The following CHD1L variants were observed in gnomAD, a reference collection of about 807,000 sequenced individuals.
CHD1L encodes the protein chromodomain helicase DNA binding protein 1 like, also known as ATP-dependent chromatin remodeler CHD1L.
A neutral mutation model predicts 115.9 loss-of-function variants in CHD1L; 118 were observed. The observed-to-expected ratio is 1.02, with a 90% CI of 0.88 to 1.19. The LOEUF is 1.19. Among genes scored for constraint, CHD1L ranks in the 50% most tolerant of loss-of-function variants. The probability of loss-of-function intolerance (pLI) is 0.00; values close to 1 mark genes in which losing one functional copy is unlikely to be tolerated. For missense variants in CHD1L, 1,179 were observed against 1,065.3 expected (o/e 1.11, Z -1.49); for synonymous variants, 411 against 387.1 (o/e 1.06, Z -0.72).
chr1:147,187,337 A>G, the CHD1L span: 4 of 839,734 alleles, frequency 4.8e-6, no homozygotes, highest in Admixed American at 2.7e-5. Context: ...TATTGGCTCA[A>G]TATCAGACTA....
intron 1 of CHD1L, among the ~76,000 whole-genome samples, chr1:147,251,091 C>T (rs1668266228): frequency 6.6e-6 from 1 of 152,164 alleles, no homozygotes; most frequent in Admixed American, 6.5e-5. Flanking sequence ...AATTGTGAGT[C>T]AATTAAACCT....
At chr1:147,220,759 T>C in the CHD1L span, among the ~76,000 whole-genome samples, 1 of 152,118 alleles carries the variant, frequency 6.6e-6, no homozygotes, top group Non-Finnish European at 1.5e-5. Flanking sequence ...TGGCTAGCAG[T>C]TATACCAGCC....
At chr1:147,178,125 C>A in the CHD1L span, 7 of 1,592,966 alleles carry the variant, frequency 4.4e-6, no homozygotes, top group South Asian at 7.8e-5. Flanking sequence ...TGTGCCTCCG[C>A]CGCCCAGCGC....
At chr1:147,269,667 C>CAAAAAAA (rs10649680) in intron 10 of CHD1L, among the ~76,000 whole-genome samples, 5 of 93,266 alleles carry the variant, frequency 5.4e-5, no homozygotes, top group African/African-American at 8.8e-5. Context: ...GGCTCCATCT[C>CAAAAAAA]AAAAAAAAAA....
chr1:147,280,883 T>G (rs995880395), intron 15 of CHD1L, among the ~76,000 whole-genome samples: 1 of 152,200 alleles, frequency 6.6e-6, no homozygotes, highest in African/African-American at 2.4e-5. Context: ...CAATATGGAC[T>G]GGGGTGAGAG....
chr1:147,209,742 A>G, the CHD1L span: 1 of 152,166 alleles, frequency 6.6e-6, no homozygotes, highest in African/African-American at 2.4e-5. Flanking sequence ...CAGGCTGACA[A>G]TTTTCTCTCC....
intron 14 of CHD1L, among the ~76,000 whole-genome samples, chr1:147,278,436 A>C (rs587626194): frequency 2.6e-5 from 4 of 151,104 alleles, no homozygotes; most frequent in African/African-American, 9.7e-5. Context: ...TGTTGGCCAG[A>C]CTGGTCTTGA....
At chr1:147,180,093 A>G in the CHD1L span, among the ~76,000 whole-genome samples, 1 of 152,168 alleles carries the variant, frequency 6.6e-6, no homozygotes, top group Non-Finnish European at 1.5e-5. Flanking sequence ...TAAGAACTCT[A>G]CTATTTTTGT....
At chr1:147,173,793 T>C in the CHD1L span, among the ~76,000 whole-genome samples, 2 of 152,204 alleles carry the variant, frequency 1.3e-5, no homozygotes, top group Admixed American at 1.3e-4. Context: ...TTTAACAAGA[T>C]CACATTAAAG....
At chr1:147,249,693 C>T (rs1052975494) in intron 1 of CHD1L, among the ~76,000 whole-genome samples, 4 of 152,188 alleles carry the variant, frequency 2.6e-5, no homozygotes, top group South Asian at 4.1e-4. Flanking sequence ...CGTGAGCCAC[C>T]GCGCCCGGCA....
intron 14 of CHD1L, 56 bp from the exon 15 acceptor site, chr1:147,279,970 T>A (rs1422252319): frequency 6.3e-7 from 1 of 1,585,070 alleles, no homozygotes; most frequent in African/African-American, 1.3e-5. Context: ...ATCACTGATA[T>A]CCTAATGTTT....
chr1:147,229,916 C>T, the CHD1L span, among the ~76,000 whole-genome samples: 1 of 151,476 alleles, frequency 6.6e-6, no homozygotes, highest in African/African-American at 2.4e-5. Context: ...TGGGCTGAGA[C>T]AATGGGGTTT....
At chr1:147,194,378 C>T in the CHD1L span, among the ~76,000 whole-genome samples, 126 of 152,090 alleles carry the variant, frequency 8.3e-4, 1 homozygote, top group Non-Finnish European at 2.1e-4. Flanking sequence ...TCCTCCATCC[C>T]TTTATTTTGA....
chr1:147,205,626 T>C, the CHD1L span, among the ~76,000 whole-genome samples: 1 of 152,168 alleles, frequency 6.6e-6, no homozygotes, highest in Non-Finnish European at 1.5e-5. Flanking sequence ...TCTACAACTA[T>C]TTGATCTTTG....
the CHD1L span, among the ~76,000 whole-genome samples, chr1:147,232,892 C>T: frequency 1.5e-4 from 23 of 152,318 alleles, no homozygotes; most frequent in African/African-American, 2.6e-4. Flanking sequence ...CCCAAAGTGC[C>T]GAAAGTGCAG....
intron 20 of CHD1L, among the ~76,000 whole-genome samples, chr1:147,292,167 A>G (rs1232789983): frequency 6.6e-6 from 1 of 152,212 alleles, no homozygotes; most frequent in Non-Finnish European, 1.5e-5. Flanking sequence ...ACATAGTACT[A>G]GCTCATAAGA....
At chr1:147,240,826 T>C (rs1664784422), upstream of CHD1L, among the ~76,000 whole-genome samples, 1 of 152,088 alleles carries the variant, frequency 6.6e-6, no homozygotes, top group Middle Eastern at 3.2e-3. Context: ...GCTGACCGTC[T>C]CTCCACTATT....
chr1:147,242,540 G>A (rs1424614610), upstream of CHD1L: 5 of 665,848 alleles, frequency 7.5e-6, no homozygotes, highest in African/African-American at 3.7e-5. Context: ...CTGTCCGGAA[G>A]GGTGACTGCA....
At chr1:147,229,829 A>T in the CHD1L span, among the ~76,000 whole-genome samples, 1 of 151,846 alleles carries the variant, frequency 6.6e-6, no homozygotes, top group Non-Finnish European at 1.5e-5. Flanking sequence ...TTGGTGTATA[A>T]GAATGCTTGT....
Sources: allele counts gnomAD v4.1 joint callset (sites outside exome capture counted in the v4.1 genomes callset), GRCh38; gene constraint gnomAD v4.1.1; transcripts MANE v1.5; gene names NCBI Gene and HGNC (gene_info 2026-07-23, HGNC 2026-07-21).